IPO11: variants seen among roughly 807,000 people sequenced by gnomAD.
IPO11 encodes the protein importin-11.
In IPO11, 66 loss-of-function variants were observed where a neutral mutation model predicts 143.2. The ratio of observed to expected loss-of-function variants is 0.46; its 90% confidence interval spans 0.38 to 0.57. The LOEUF (loss-of-function observed/expected upper bound fraction) is 0.57, where lower values mean the gene tolerates loss of function less well. Ranked by LOEUF, IPO11 falls within the 20% of genes least tolerant of loss-of-function variation. The probability of loss-of-function intolerance (pLI) is 0.00; values close to 1 mark genes in which losing one functional copy is unlikely to be tolerated. For synonymous variants in IPO11, 385 were observed against 377.8 expected, an observed-to-expected ratio of 1.02 and a Z score of -0.22; for missense variants, 1,026 against 1,141.0, an observed-to-expected ratio of 0.90 and a Z score of 1.45.
At chr5:62,620,008 G>A (rs1746287611) in intron 29 of IPO11, among the ~76,000 whole-genome samples, 1 of 152,158 alleles carries the variant, frequency 6.6e-6, no homozygotes, top group Non-Finnish European at 1.5e-5. Context: ...AGGAGCAGGA[G>A]TGGGTCTTGA....
chr5:62,586,901 T>G (rs1030512150), intron 27 of IPO11, among the ~76,000 whole-genome samples: 3 of 150,614 alleles, frequency 2.0e-5, no homozygotes, highest in African/African-American at 7.3e-5. Context: ...GATAAATTCC[T>G]TTTATCACTT....
chr5:62,559,610 T>C (rs1743698688), intron 26 of IPO11, among the ~76,000 whole-genome samples: 1 of 152,004 alleles, frequency 6.6e-6, no homozygotes, highest in Admixed American at 6.6e-5. Context: ...TTTTTTTTCC[T>C]CATCCATAAG....
At chr5:62,565,903 A>G (rs946584740) in intron 27 of IPO11, among the ~76,000 whole-genome samples, 3 of 151,800 alleles carry the variant, frequency 2.0e-5, no homozygotes. Flanking sequence ...TCCTGCGTTA[A>G]TTGCTGAGGA....
intron 19 of IPO11, among the ~76,000 whole-genome samples, chr5:62,513,274 ACCTC>A (rs1312933632): frequency 4.1e-5 from 5 of 123,056 alleles, no homozygotes; most frequent in Non-Finnish European, 7.0e-5. Context: ...TGACCCCCCC[ACCTC>A]CCTCCCGGAC....
intron 29 of IPO11, among the ~76,000 whole-genome samples, chr5:62,615,483 G>C (rs1281653423): frequency 6.6e-6 from 1 of 152,188 alleles, no homozygotes; most frequent in African/African-American, 2.4e-5. Flanking sequence ...CTTATAGAGG[G>C]CCTTGTATGC....
chr5:62,622,269 T>G (rs1746406827), intron 29 of IPO11, among the ~76,000 whole-genome samples: 1 of 152,194 alleles, frequency 6.6e-6, no homozygotes, highest in Admixed American at 6.5e-5. Context: ...CTACTTAAAA[T>G]CAGAATCACT....
At chr5:62,605,711 A>AACTATTATT (rs1745684718) in intron 29 of IPO11, among the ~76,000 whole-genome samples, 1 of 107,284 alleles carries the variant, frequency 9.3e-6, no homozygotes, top group Non-Finnish European at 2.1e-5. Context: ...CCAGCTAACA[A>AACTATTATT]AGTATTATTA....
At chr5:62,470,987 C>T (rs1464762632) in intron 7 of IPO11, among the ~76,000 whole-genome samples, 1 of 151,516 alleles carries the variant, frequency 6.6e-6, no homozygotes, top group African/African-American at 2.4e-5. Flanking sequence ...ACCACCATGC[C>T]CAGCTAATTT....
intron 17 of IPO11, 71 bp from the exon 18 acceptor site, chr5:62,504,787 A>T: frequency 7.5e-7 from 1 of 1,325,714 alleles, no homozygotes; most frequent in Non-Finnish European, 1.0e-6. Flanking sequence ...TAATTTATGT[A>T]TACTTGTTTT....
intron 20 of IPO11, among the ~76,000 whole-genome samples, chr5:62,516,032 G>C (rs1742001281): frequency 6.6e-6 from 1 of 152,184 alleles, no homozygotes; most frequent in Non-Finnish European, 1.5e-5. Context: ...CTGTTACAGT[G>C]AATCATAGTC....
Position 62,483,046 on chromosome 5 carries a change from C to T in IPO11, c.829-55C>T. 3 of 1,115,910 alleles carry T rather than the reference C, an allele frequency of 2.7e-6. No individual in the cohort carries two copies. In the South Asian group the frequency reaches 4.3e-5, roughly 16 times the overall value. The allele number at this position is 1,115,910 out of a possible 1,614,324, so 69.1% of individuals were successfully genotyped here. A position where few individuals can be genotyped will look rare whatever the true frequency, so the allele number is the denominator to read the frequency against. On this transcript the variant is annotated intron_variant, in intron 9 of 29. Transcript: ENST00000325324. ...AGTTATAATTGGAGTGATTATATTC[C>T]AATATGAATTTGGGGAAAATACATT... is the stretch of plus-strand genomic sequence containing the variant.
At chr5:62,579,946 G>C in intron 27 of IPO11, 1 of 1,551,238 alleles carries the variant, frequency 6.4e-7, no homozygotes. Context: ...TCGCCTCACT[G>C]TCCTTGGGAG....
In IPO11 at chr5:62,613,551, C is replaced by T. The variant is rs563247029; in HGVS notation, c.2763+11703C>T. On this transcript the variant is annotated intron_variant, in intron 29 of 29. Coordinates refer to ENST00000325324, the MANE Select transcript of IPO11 (RefSeq NM_016338.5). ...CTCCCAAGCTCAGGCAATCGGCCCG[C>T]CTCAGCCTCCCAAAGTACTGGGATT... Among the ~76,000 whole-genome samples the T allele has an allele frequency of 3.9e-5, 6 of 152,092 alleles. No individual in the cohort carries two copies. The East Asian group carries it at 9.7e-4, about 25-fold the overall frequency.
At chr5:62,444,007 C>T (rs774480344) in intron 3 of IPO11, among the ~76,000 whole-genome samples, 4 of 152,100 alleles carry the variant, frequency 2.6e-5, no homozygotes, top group Non-Finnish European at 4.4e-5. Flanking sequence ...GCATATAAAA[C>T]ATGTCCTTGA....
chr5:62,419,719 C>T (rs760751149), intron 1 of IPO11, among the ~76,000 whole-genome samples: 4 of 151,768 alleles, frequency 2.6e-5, no homozygotes, highest in Non-Finnish European at 5.9e-5. Flanking sequence ...AGTAGTGGGG[C>T]TTGGTGGCTC....
Position 62,437,255 on chromosome 5 carries a change from G to A in IPO11, c.-6-19G>A, listed in dbSNP as rs988579717. The A allele has an allele frequency of 7.6e-6, 12 of 1,575,876 alleles. No individual in the cohort carries two copies. Among genetic ancestry groups the A allele is most frequent in the Non-Finnish European group, 1.0e-5 (12 of 1,162,570 alleles). On this transcript the variant is annotated intron_variant, in intron 1 of 29. Coordinates refer to ENST00000325324, the MANE Select transcript of IPO11 (RefSeq NM_016338.5). ...TTACTTGTAATACATATTCAAGTAT[G>A]TTAACTTATCATTGCCAGGTTTCCA... is the stretch of plus-strand genomic sequence containing the variant.
chr5:62,511,163 T>G (rs1257005612), intron 19 of IPO11, among the ~76,000 whole-genome samples: 4 of 152,256 alleles, frequency 2.6e-5, no homozygotes, highest in Admixed American at 6.5e-5. Context: ...GTACTTTGGT[T>G]TTATTACCCT....
At chr5:62,418,508 A>G (rs977457793) in intron 1 of IPO11, among the ~76,000 whole-genome samples, 40 of 152,242 alleles carry the variant, frequency 2.6e-4, no homozygotes, top group African/African-American at 9.4e-4. Flanking sequence ...AGCTATTAAC[A>G]GTATAGTGCT....
chr5:62,463,222 A>G (rs1732202377), intron 5 of IPO11, among the ~76,000 whole-genome samples: 2 of 152,012 alleles, frequency 1.3e-5, no homozygotes. Context: ...GTTAAGAAAC[A>G]TTTTGTAGAA....
Sources: gnomAD v4.1 joint callset for allele counts (sites outside exome capture counted in the v4.1 genomes callset) on GRCh38, gnomAD v4.1.1 for gene constraint, MANE v1.5 for transcripts, NCBI Gene and HGNC (gene_info 2026-07-23, HGNC 2026-07-21) for gene names.